The following ZNHIT3 variants were observed in gnomAD, a reference collection of about 807,000 sequenced individuals.
ZNHIT3 encodes zinc finger HIT-type containing 3.
In ZNHIT3, 27 loss-of-function variants were observed where a neutral mutation model predicts 19.9. The ratio of observed to expected loss-of-function variants is 1.36; its 90% CI spans 1.00 to 1.87. The LOEUF is 1.87. Among genes scored for constraint, ZNHIT3 ranks in the 40% most tolerant of loss-of-function variants. The pLI is 0.00. For synonymous variants in ZNHIT3, 81 were observed against 65.7 expected (o/e 1.23, Z -1.13); for missense variants, 215 against 185.6 (o/e 1.16, Z -0.92).
intron 2 of ZNHIT3, 48 bp downstream of exon 2, chr17:36,487,014 C>T: frequency 6.2e-7 from 1 of 1,602,510 alleles, no homozygotes; most frequent in Non-Finnish European, 8.5e-7. Context: ...ACGGGGCAGC[C>T]CCCACGTCCA....
Position 36,495,505 on chromosome 17 carries a change from A to C in ZNHIT3, c.*101A>C, listed in dbSNP as rs1428501599. 2 of 1,407,868 alleles carry C rather than the reference A, an allele frequency of 1.4e-6. No individual in the cohort carries two copies. The highest frequency in any genetic ancestry group is 2.9e-5 in the African/African-American group (2 of 68,880). The allele number at this position is 1,407,868 out of a possible 1,614,324, so 87.2% of individuals were successfully genotyped here. ...AGTTTGGGGCTGGGGAGCTCAGGCA[A>C]AAGAGGTTTCCAGGATGCAGATTAG... On this transcript the variant is annotated 3_prime_UTR_variant, in exon 5 of 5. Transcript: ENST00000617429.
intron 2 of ZNHIT3, chr17:36,492,036 T>TA (rs1421665538): frequency 1.3e-5 from 2 of 152,298 alleles, no homozygotes; most frequent in Non-Finnish European, 2.9e-5. Flanking sequence ...GCTCGGCACT[T>TA]AGTCACTGGC....
Position 36,494,112 on chromosome 17 carries a change from G to A in ZNHIT3, c.286+106G>A, listed in dbSNP as rs2070804635. On this transcript the variant is annotated intron_variant, in intron 4 of 4. Coordinates refer to ENST00000617429, the MANE Select transcript of ZNHIT3 (RefSeq NM_004773.4). ...TTTCTTGAATAAGTATGGCATGTAGGGCTCTTACTATCTAGCCACATAATC... is the reference window on the plus strand; with the variant it reads ...TTTCTTGAATAAGTATGGCATGTAGAGCTCTTACTATCTAGCCACATAATC... 3.8e-6 allele frequency: 3 copies of A among 795,872 alleles called. No homozygotes were observed. The South Asian group carries it at 4.9e-5, about 13-fold the overall frequency. The allele number at this position is 795,872 out of a possible 1,614,324, so 49.3% of individuals were successfully genotyped here.
intron 3 of ZNHIT3, chr17:36,493,121 C>A: frequency 1.7e-6 from 1 of 587,164 alleles, no homozygotes; most frequent in Non-Finnish European, 3.0e-6. Context: ...GGGCAGAAGA[C>A]AGAGATGAGA....
downstream of ZNHIT3, chr17:36,498,489 CAG>C: frequency 6.2e-7 from 1 of 1,614,084 alleles, no homozygotes; most frequent in Non-Finnish European, 8.5e-7. Context: ...GCTCAGGGAA[CAG>C]GGAGCTTGAG....
intron 2 of ZNHIT3, among the ~76,000 whole-genome samples, chr17:36,487,841 C>T (rs1163343106): frequency 1.3e-5 from 2 of 151,522 alleles, no homozygotes; most frequent in African/African-American, 4.8e-5. Flanking sequence ...CGGTGGGTCA[C>T]GCCTGTAATC....
chr17:36,487,173 C>T (rs555861874), intron 2 of ZNHIT3, among the ~76,000 whole-genome samples: 11 of 152,280 alleles, frequency 7.2e-5, no homozygotes. Flanking sequence ...TGCCTGTAAT[C>T]GCTCTCAGGG....
chr17:36,498,749 T>C, downstream of ZNHIT3: 1 of 632,030 alleles, frequency 1.6e-6, no homozygotes, highest in Non-Finnish European at 2.7e-6. Flanking sequence ...GCAACTGTGC[T>C]TAGGCCTTAC....
intron 4 of ZNHIT3, 65 bp downstream of exon 4, chr17:36,494,071 T>C (rs2070801840): frequency 3.8e-6 from 5 of 1,308,212 alleles, no homozygotes; most frequent in Non-Finnish European, 5.4e-6. Flanking sequence ...ATTGTGATTT[T>C]TTAAAAAGTT....
intron 4 of ZNHIT3, 88 bp downstream of exon 4, chr17:36,494,094 A>G (rs2070803572): frequency 9.7e-7 from 1 of 1,027,638 alleles, no homozygotes; most frequent in African/African-American, 1.6e-5. Flanking sequence ...TAATTTCTTG[A>G]ATAAGTATGG....
intron 2 of ZNHIT3, among the ~76,000 whole-genome samples, chr17:36,487,678 C>T (rs912801877): frequency 6.6e-6 from 1 of 152,024 alleles, no homozygotes; most frequent in African/African-American, 2.4e-5. Flanking sequence ...GTAATCCCAG[C>T]TACTCAGGAG....
At chr17:36,497,637 T>C, downstream of ZNHIT3, 1 of 733,032 alleles carries the variant, frequency 1.4e-6, no homozygotes, top group Non-Finnish European at 1.7e-6. Flanking sequence ...CAGGCTGGAG[T>C]GCAGCGGCGC....
intron 3 of ZNHIT3, 154 bp downstream of exon 3, chr17:36,493,053 G>A: frequency 1.5e-6 from 1 of 688,940 alleles, no homozygotes; most frequent in Non-Finnish European, 2.5e-6. Flanking sequence ...GTGGGGCCAT[G>A]TCATCATGGG....
At position 36,494,291 on chromosome 17, in the gene ZNHIT3, G is replaced by C. The variant is rs574296396; in HGVS notation, c.286+285G>C. Among the ~76,000 whole-genome samples, 36 of 152,266 alleles carry C rather than the reference G, an allele frequency of 2.4e-4. No homozygotes were observed. In the South Asian group the frequency reaches 5.8e-3, roughly 25 times the overall value. The stretch of plus-strand genomic sequence containing the variant: ...AGCTAAGCTTTTCTTGACCTTTTGT[G>C]TCTCTTTCAGAATTAGGCACTTTTT... On this transcript the variant is annotated intron_variant, in intron 4 of 4. Coordinates refer to ENST00000617429, the MANE Select transcript of ZNHIT3 (RefSeq NM_004773.4).
chr17:36,499,068 T>G (rs756462232), downstream of ZNHIT3: 50 of 1,602,226 alleles, frequency 3.1e-5, no homozygotes, highest in Admixed American at 1.2e-4. Context: ...TCTTGGGTCT[T>G]ACTTACTCTC....
At chr17:36,499,120 C>T, downstream of ZNHIT3, 2 of 1,610,298 alleles carry the variant, frequency 1.2e-6, no homozygotes, top group Non-Finnish European at 1.7e-6. Flanking sequence ...CAGCTGCATG[C>T]AGCCTCTGGA....
downstream of ZNHIT3, chr17:36,497,538 C>A: frequency 1.0e-6 from 1 of 984,614 alleles, no homozygotes; most frequent in Non-Finnish European, 1.2e-6. Context: ...TGCTATGTCT[C>A]GTGAATTTTT....
At chr17:36,495,178 T>C in intron 4 of ZNHIT3, 45 bp from the exon 5 acceptor site, 2 of 1,529,444 alleles carry the variant, frequency 1.3e-6, no homozygotes, top group Non-Finnish European at 1.8e-6. Flanking sequence ...TCTCCATGTG[T>C]TTCCACTTGA....
At chr17:36,498,464 C>G, downstream of ZNHIT3, 3 of 1,614,014 alleles carry the variant, frequency 1.9e-6, no homozygotes, top group East Asian at 2.2e-5. Flanking sequence ...GGAGCCTGGT[C>G]TGCAGCGGCG....
Sources: allele counts gnomAD v4.1 joint callset (sites outside exome capture counted in the v4.1 genomes callset), GRCh38; gene constraint gnomAD v4.1.1; transcripts MANE v1.5; gene names NCBI Gene and HGNC (gene_info 2026-07-23, HGNC 2026-07-21).